The following TUSC7 variants were observed in gnomAD, a reference collection of about 807,000 sequenced individuals.
The protein encoded by TUSC7 is LSAMP antisense RNA 3.
At chr3:116,713,797 C>G (rs1017874989) in intron 1 of TUSC7, among the ~76,000 whole-genome samples, 2 of 152,070 alleles carry the variant, frequency 1.3e-5, no homozygotes, top group Non-Finnish European at 2.9e-5. Flanking sequence ...AAAACCCTGT[C>G]TCTAGTAAAT....
intron 1 of TUSC7, chr3:116,712,206 A>T (rs1228749707): frequency 6.6e-6 from 1 of 152,190 alleles, no homozygotes; most frequent in Non-Finnish European, 1.5e-5. Context: ...AAATGATGCA[A>T]TTTTCTGCCT....
At chr3:116,714,668 C>A (rs1345194665) in intron 1 of TUSC7, among the ~76,000 whole-genome samples, 1 of 152,088 alleles carries the variant, frequency 6.6e-6, no homozygotes, top group Non-Finnish European at 1.5e-5. Context: ...ACACTAGCCA[C>A]ATATCATTTT....
intron 1 of TUSC7, among the ~76,000 whole-genome samples, chr3:116,710,668 T>C (rs1487371178): frequency 6.6e-6 from 1 of 152,190 alleles, no homozygotes; most frequent in Non-Finnish European, 1.5e-5. Flanking sequence ...TTCACTACTC[T>C]GAAACTTATA....
At chr3:116,710,141 C>T (rs896680215) in intron 1 of TUSC7, 3 of 152,090 alleles carry the variant, frequency 2.0e-5, no homozygotes, top group Non-Finnish European at 4.4e-5. Context: ...AAAATAGTTT[C>T]CCAAGATTTC....
chr3:116,714,609 T>C (rs761499156), intron 1 of TUSC7, among the ~76,000 whole-genome samples: 1 of 152,178 alleles, frequency 6.6e-6, no homozygotes, highest in Non-Finnish European at 1.5e-5. Flanking sequence ...GCAAGACCTG[T>C]AGGGTATTTT....
At chr3:116,715,371 A>T (rs1285823101) in intron 1 of TUSC7, among the ~76,000 whole-genome samples, 1 of 152,176 alleles carries the variant, frequency 6.6e-6, no homozygotes, top group Non-Finnish European at 1.5e-5. Context: ...AGTATGTAAG[A>T]TTACATTTAG....
At chr3:116,712,973 T>C (rs773274719) in intron 1 of TUSC7, 24 of 152,198 alleles carry the variant, frequency 1.6e-4, no homozygotes, top group Non-Finnish European at 3.2e-4. Context: ...TCAAATTGAC[T>C]GTATGTCATT....
intron 1 of TUSC7, among the ~76,000 whole-genome samples, chr3:116,711,065 C>T (rs544063274): frequency 4.6e-5 from 7 of 152,168 alleles, no homozygotes; most frequent in African/African-American, 1.7e-4. Context: ...ATCTTCAAAA[C>T]CTGCATTTTA....
rs116193670 is a variant in TUSC7 at position 116,711,286 on chromosome 3, C to T, written n.98+1410C>T. On this transcript the variant is annotated intron_variant and non_coding_transcript_variant, in intron 1 of 2. Transcript: ENST00000477805. The stretch of plus-strand genomic sequence containing the variant: ...AGAAAACATACATGCATTGTAGTAA[C>T]TATTTCTCTCTTCATCCTCCTTACA... Among the ~76,000 whole-genome samples, 940 of 152,216 alleles carry T rather than the reference C, an allele frequency of 6.2e-3. 3 individuals are homozygous for T. The highest frequency in any genetic ancestry group is 9.5e-3 in the Non-Finnish European group (644 of 67,992).
chr3:116,715,750 T>C (rs66618676), intron 1 of TUSC7, among the ~76,000 whole-genome samples: 10,901 of 152,248 alleles, frequency 0.072, 535 homozygotes, highest in East Asian at 0.24. Flanking sequence ...TTGCAAATAT[T>C]TTTTTCTCAG....
At chr3:116,710,633 T>C (rs2051455165) in intron 1 of TUSC7, among the ~76,000 whole-genome samples, 1 of 152,182 alleles carries the variant, frequency 6.6e-6, no homozygotes, top group Admixed American at 6.5e-5. Flanking sequence ...GTACTACTTT[T>C]CATGCAATGC....
intron 1 of TUSC7, among the ~76,000 whole-genome samples, chr3:116,714,525 G>T (rs2051488593): frequency 6.6e-6 from 1 of 152,126 alleles, no homozygotes; most frequent in Non-Finnish European, 1.5e-5. Flanking sequence ...CTGAGGTAGA[G>T]CCTGAGAATC....
intron 1 of TUSC7, among the ~76,000 whole-genome samples, chr3:116,714,801 A>T (rs983369029): frequency 6.6e-6 from 1 of 152,194 alleles, no homozygotes. Context: ...CTAGAATGGA[A>T]CATCTGTTAC....
intron 1 of TUSC7, among the ~76,000 whole-genome samples, chr3:116,710,588 T>G (rs915181767): frequency 6.6e-6 from 1 of 152,060 alleles, no homozygotes; most frequent in African/African-American, 2.4e-5. Context: ...ATTCTAAATA[T>G]AAAAAACTGA....
chr3:116,711,160 G>T (rs1337309298), intron 1 of TUSC7, among the ~76,000 whole-genome samples: 1 of 152,130 alleles, frequency 6.6e-6, no homozygotes, highest in Non-Finnish European at 1.5e-5. Flanking sequence ...TACCATCAGT[G>T]TAAGTATTGG....
At chr3:116,711,618 G>T (rs2107471368) in intron 1 of TUSC7, among the ~76,000 whole-genome samples, 1 of 152,262 alleles carries the variant, frequency 6.6e-6, no homozygotes. Flanking sequence ...CTGCTAGAGG[G>T]TGACATGCAT....
chr3:116,715,812 T>G (rs74803819), intron 1 of TUSC7, among the ~76,000 whole-genome samples: 4,241 of 152,290 alleles, frequency 0.028, 99 homozygotes, highest in Middle Eastern at 0.085. Flanking sequence ...CAGGGAAAAT[T>G]TACATTTGAT....
chr3:116,713,718 C>A (rs1353674659), intron 1 of TUSC7, among the ~76,000 whole-genome samples: 1 of 152,166 alleles, frequency 6.6e-6, no homozygotes, highest in Non-Finnish European at 1.5e-5. Context: ...GTAATCCCAG[C>A]ACTTTGGGAG....
chr3:116,710,489 C>T (rs1406977455), intron 1 of TUSC7: 1 of 152,050 alleles, frequency 6.6e-6, no homozygotes, highest in African/African-American at 2.4e-5. Flanking sequence ...TAACTATGCC[C>T]TTAGGGTACA....
Sources: gnomAD v4.1 joint callset for allele counts (sites outside exome capture counted in the v4.1 genomes callset) on GRCh38, gnomAD v4.1.1 for gene constraint, MANE v1.5 for transcripts, NCBI Gene and HGNC (gene_info 2026-07-23, HGNC 2026-07-21) for gene names.